Variants in BIRC2 observed in about 807,000 individuals in gnomAD.
BIRC2 encodes the protein baculoviral IAP repeat containing 2, also known as baculoviral IAP repeat-containing protein 2.
In BIRC2, 18 loss-of-function variants were observed where a neutral mutation model predicts 60.9. The observed-to-expected ratio is 0.30, with a 90% confidence interval of 0.20 to 0.44. The LOEUF is 0.44. Ranked by LOEUF, BIRC2 falls within the 20% of genes least tolerant of loss-of-function variation. BIRC2 has a pLI of 1.00. For synonymous variants in BIRC2, 282 were observed against 247.7 expected (o/e 1.14, Z -1.30); for missense variants, 701 against 728.5 (o/e 0.96, Z 0.43).
At chr11:102,363,521 G>T (rs1276347519) in intron 4 of BIRC2, 147 bp from the exon 5 acceptor site, 2 of 478,070 alleles carry the variant, frequency 4.2e-6, no homozygotes, top group South Asian at 4.2e-5. Flanking sequence ...TGTGATTAGG[G>T]TAAAAGAAAG....
intron 3 of BIRC2, chr11:102,362,683 A>T: frequency 4.7e-6 from 2 of 429,280 alleles, no homozygotes. Context: ...TAATGGATTG[A>T]ATTAGAAAAT....
chr11:102,354,959 T>G (rs1486688382), intron 3 of BIRC2, among the ~76,000 whole-genome samples: 1 of 151,014 alleles, frequency 6.6e-6, no homozygotes, highest in East Asian at 1.9e-4. Context: ...TTTTTTTTTT[T>G]TTTTTTGCTA....
intron 3 of BIRC2, among the ~76,000 whole-genome samples, chr11:102,351,340 C>T (rs12795227): frequency 7.6e-4 from 116 of 152,214 alleles, no homozygotes; most frequent in African/African-American, 2.6e-3. Context: ...CTTAGATGGG[C>T]GTGGTGGCTC....
intron 3 of BIRC2, among the ~76,000 whole-genome samples, chr11:102,357,421 T>G (rs534283681): frequency 6.6e-6 from 1 of 152,110 alleles, no homozygotes; most frequent in African/African-American, 2.4e-5. Flanking sequence ...CATCTGTTCC[T>G]GGGCTTTTTC....
intron 5 of BIRC2, among the ~76,000 whole-genome samples, chr11:102,364,139 T>TATATATATATA (rs1951517564): frequency 1.6e-5 from 1 of 61,418 alleles, no homozygotes; most frequent in African/African-American, 7.8e-5. Flanking sequence ...CTAATAAATA[T>TATATATATATA]TATATATATA....
At chr11:102,357,346 T>G (rs901444872) in intron 3 of BIRC2, among the ~76,000 whole-genome samples, 3 of 150,998 alleles carry the variant, frequency 2.0e-5, no homozygotes, top group Admixed American at 2.0e-4. Flanking sequence ...CCTCCTCCTC[T>G]TCCTTCTTCT....
intron 5 of BIRC2, 108 bp from the exon 6 acceptor site, chr11:102,368,198 C>T: frequency 1.5e-6 from 2 of 1,327,730 alleles, no homozygotes; most frequent in Non-Finnish European, 2.1e-6. Flanking sequence ...AGCTCATCTC[C>T]TTTACCAGAA....
intron 3 of BIRC2, among the ~76,000 whole-genome samples, chr11:102,360,213 C>A (rs139920452): frequency 6.6e-6 from 1 of 152,118 alleles, no homozygotes; most frequent in Non-Finnish European, 1.5e-5. Context: ...GTGATCCACC[C>A]GCCTCAACCT....
rs554457159 is a variant in BIRC2 at position 102,363,650 on chromosome 11, T to G, written c.1075-18T>G. The G allele has an allele frequency of 1.4e-5, 22 of 1,608,054 alleles. No homozygotes were observed. The highest frequency in any genetic ancestry group is 1.7e-4 in the Middle Eastern group (1 of 6,046). On this transcript the variant is annotated intron_variant, in intron 4 of 8. Transcript: ENST00000227758. ...GGGATATCTGCTTTTACCTATTAACTTTTCTCTTGTTTCATAGCTGTTGTC... is the reference window on the plus strand; with the variant it reads ...GGGATATCTGCTTTTACCTATTAACGTTTCTCTTGTTTCATAGCTGTTGTC...
chr11:102,348,098 T>C (rs773715173), intron 1 of BIRC2, among the ~76,000 whole-genome samples: 1 of 152,252 alleles, frequency 6.6e-6, no homozygotes, highest in Non-Finnish European at 1.5e-5. Context: ...TGTAAGGGAA[T>C]GGCAGAGTTT....
intron 3 of BIRC2, among the ~76,000 whole-genome samples, chr11:102,351,858 TGAG>T (rs540358238): frequency 3.6e-4 from 55 of 152,204 alleles, no homozygotes; most frequent in African/African-American, 8.4e-4. Flanking sequence ...GTTTGTAAAA[TGAG>T]GAGGGGTTGG....
intron 6 of BIRC2, among the ~76,000 whole-genome samples, chr11:102,373,000 T>C (rs997304186): frequency 2.6e-5 from 4 of 151,862 alleles, no homozygotes; most frequent in South Asian, 2.1e-4. Context: ...CCCTGCCTCT[T>C]TTTGTTTTCC....
chr11:102,378,258 T>A lies in BIRC2; in HGVS notation c.*75T>A. On this transcript the variant is annotated 3_prime_UTR_variant, in exon 9 of 9. Transcript: ENST00000227758. ...GTTGAACACTTGAAGCCATCTAAAGTAAAAAGGGAATTATGAGTTTTTCAA... is the reference window on the plus strand; with the variant it reads ...GTTGAACACTTGAAGCCATCTAAAGAAAAAAGGGAATTATGAGTTTTTCAA... 1 of 1,171,688 alleles carries A rather than the reference T, an allele frequency of 8.5e-7. No homozygotes were observed. The highest frequency in any genetic ancestry group is 1.6e-5 in the African/African-American group (1 of 63,330). The allele number at this position is 1,171,688 out of a possible 1,614,324, so 72.6% of individuals were successfully genotyped here.
intron 3 of BIRC2, among the ~76,000 whole-genome samples, chr11:102,355,321 A>G (rs544523005): frequency 1.3e-5 from 2 of 152,322 alleles, no homozygotes; most frequent in South Asian, 4.1e-4. Flanking sequence ...TGTTTTACAT[A>G]AAAACGGTGT....
At chr11:102,368,651 GGTAGCA>G in intron 6 of BIRC2, 103 bp downstream of exon 6, 2 of 1,445,386 alleles carry the variant, frequency 1.4e-6, no homozygotes, top group Non-Finnish European at 1.9e-6. Context: ...ACTAACTGCT[GGTAGCA>G]GTCCTCCAGT....
chr11:102,356,202 T>TG (rs1227640946), intron 3 of BIRC2, among the ~76,000 whole-genome samples: 4 of 151,368 alleles, frequency 2.6e-5, no homozygotes, highest in Non-Finnish European at 4.4e-5. Flanking sequence ...AAGCTTTTTT[T>TG]TTTTTTTTTT....
rs1463745844 is a variant in BIRC2, at chr11:102,349,724, T to G, written c.-131T>G. On this transcript the variant is annotated 5_prime_UTR_variant, in exon 2 of 9. Coordinates refer to ENST00000227758, the MANE Select transcript of BIRC2 (RefSeq NM_001166.5). ...CTACCTGAATATAAACTGAGATAAA[T>G]CCAGTAAAGAAAGTGTAGTAAATTC... The G allele has an allele frequency of 3.2e-6, 3 of 939,852 alleles. No homozygotes were observed. The highest frequency in any genetic ancestry group is 1.6e-6 in the Non-Finnish European group (1 of 637,280). The allele number at this position is 939,852 out of a possible 1,614,324, so 58.2% of individuals were successfully genotyped here.
intron 3 of BIRC2, 86 bp downstream of exon 3, chr11:102,351,029 A>G: frequency 8.2e-7 from 1 of 1,223,262 alleles, no homozygotes; most frequent in Non-Finnish European, 1.2e-6. Flanking sequence ...TTACCTTTAA[A>G]TTATAACAAA....
At chr11:102,372,630 A>G (rs1247466592) in intron 6 of BIRC2, among the ~76,000 whole-genome samples, 4 of 142,154 alleles carry the variant, frequency 2.8e-5, no homozygotes, top group East Asian at 2.0e-4. Flanking sequence ...GTGCTGAAAA[A>G]AATGTATATT....
Sources: gnomAD v4.1 joint callset for allele counts (sites outside exome capture counted in the v4.1 genomes callset) on GRCh38, gnomAD v4.1.1 for gene constraint, MANE v1.5 for transcripts, NCBI Gene and HGNC (gene_info 2026-07-23, HGNC 2026-07-21) for gene names.